The following IQCM variants were observed in gnomAD, a reference collection of about 807,000 sequenced individuals.
IQCM encodes the protein IQ domain-containing protein M.
In IQCM, 45 loss-of-function variants were observed where a neutral mutation model predicts 57.6. The ratio of observed to expected loss-of-function variants is 0.78; its 90% CI spans 0.62 to 1.00. The LOEUF (loss-of-function observed/expected upper bound fraction) is 1.00, where lower values mean the gene tolerates loss of function less well. Among genes scored for constraint, IQCM ranks in the 50% least tolerant of loss-of-function variants. The probability of loss-of-function intolerance (pLI) is 0.00; values close to 1 mark genes in which losing one functional copy is unlikely to be tolerated. For missense variants in IQCM, 468 were observed against 511.6 expected (o/e 0.91, Z 0.82); for synonymous variants, 148 against 158.9 (o/e 0.93, Z 0.51).
At chr4:149,577,864 G>GT (rs1215602332) in intron 9 of IQCM, among the ~76,000 whole-genome samples, 2 of 151,798 alleles carry the variant, frequency 1.3e-5, no homozygotes, top group African/African-American at 4.8e-5. Context: ...TAGTAAGCAT[G>GT]TTTTTTCATT....
At chr4:149,592,557 C>G (rs1490276433) in intron 8 of IQCM, among the ~76,000 whole-genome samples, 1 of 151,754 alleles carries the variant, frequency 6.6e-6, no homozygotes, top group Non-Finnish European at 1.5e-5. Flanking sequence ...AATGGTATTG[C>G]CTAGGTTTTC....
At chr4:149,637,638 G>C (rs188987118) in intron 7 of IQCM, among the ~76,000 whole-genome samples, 67 of 152,222 alleles carry the variant, frequency 4.4e-4, no homozygotes, top group African/African-American at 1.4e-3. Flanking sequence ...TTAATATAAA[G>C]CTACAGTATT....
rs568488421 is a variant in IQCM, at chr4:149,801,723, G to C, written c.-49+13588C>G. On this transcript the variant is annotated intron_variant, in intron 2 of 13. Coordinates refer to ENST00000636793, the MANE Select transcript of IQCM (RefSeq NM_001363507.2). ...GAACCCACGGACATAGAGAGTAGAA[G>C]GATGATTACCAGAGGCTAAGAAGAG... Among the ~76,000 whole-genome samples, 3 of 151,904 alleles carry C rather than the reference G, an allele frequency of 2.0e-5. No homozygotes were observed. The South Asian group carries it at 6.2e-4, about 32-fold the overall frequency.
chr4:149,685,539 T>C (rs1174233101), intron 6 of IQCM, among the ~76,000 whole-genome samples: 1 of 151,460 alleles, frequency 6.6e-6, no homozygotes, highest in East Asian at 1.9e-4. Context: ...TGAGCATGGA[T>C]CTTCTAGTGT....
At chr4:149,710,331 C>T (rs905504592) in intron 5 of IQCM, among the ~76,000 whole-genome samples, 2 of 152,102 alleles carry the variant, frequency 1.3e-5, no homozygotes, top group Non-Finnish European at 2.9e-5. Flanking sequence ...GCATTGGGTC[C>T]TAGAATTCTA....
chr4:149,727,458 T>C lies in IQCM; in HGVS notation c.385+5786A>G, dbSNP rs556219926. 2.6e-5 allele frequency among the ~76,000 whole-genome samples: 4 copies of C among 152,314 alleles called. No individual in the cohort carries two copies. In the South Asian group the frequency reaches 8.3e-4, roughly 32 times the overall value. ...TACTGACAATTCTGCCATCAAAATA[T>C]TTTTATGACAGTATTTTTAAAGTGA... is the stretch of plus-strand genomic sequence containing the variant. On this transcript the variant is annotated intron_variant, in intron 5 of 13. Transcript: ENST00000636793.
intron 12 of IQCM, among the ~76,000 whole-genome samples, chr4:149,478,834 A>G (rs1413236660): frequency 6.6e-6 from 1 of 152,194 alleles, no homozygotes; most frequent in Non-Finnish European, 1.5e-5. Context: ...GGAAATTTGG[A>G]TATTAACATT....
In IQCM at chr4:149,368,753, C is replaced by T. The variant is rs1244827866; in HGVS notation, c.1391-16687G>A. 1.0e-4 allele frequency among the ~76,000 whole-genome samples: 10 copies of T among 98,246 alleles called. No homozygotes were observed. The South Asian group carries it at 2.9e-3, about 28-fold the overall frequency. 64.5% of individuals were successfully genotyped at this position (98,246 alleles called of 152,430 possible). On this transcript the variant is annotated intron_variant, in intron 13 of 13. Coordinates refer to ENST00000636793, the MANE Select transcript of IQCM (RefSeq NM_001363507.2). ...GTGAAAGGCACAAATTATATATATA[C>T]ATGTATATATATATATACATATATA...
At chr4:149,545,019 G>A (rs527908142) in intron 12 of IQCM, among the ~76,000 whole-genome samples, 1 of 151,944 alleles carries the variant, frequency 6.6e-6, no homozygotes, top group South Asian at 2.1e-4. Flanking sequence ...AAAAGCACAG[G>A]TGACAGAAGC....
intron 8 of IQCM, among the ~76,000 whole-genome samples, chr4:149,607,733 G>A (rs1041759908): frequency 3.3e-5 from 5 of 151,946 alleles, no homozygotes; most frequent in African/African-American, 1.2e-4. Context: ...ATTGTAAGAT[G>A]TTATTTGTAA....
intron 10 of IQCM, among the ~76,000 whole-genome samples, chr4:149,559,573 C>T (rs1749921014): frequency 6.6e-6 from 1 of 152,128 alleles, no homozygotes; most frequent in African/African-American, 2.4e-5. Context: ...TTTCTAAATG[C>T]TCTGATGATA....
chr4:149,764,814 A>T (rs1769885686), intron 2 of IQCM, among the ~76,000 whole-genome samples: 2 of 152,130 alleles, frequency 1.3e-5, no homozygotes, highest in South Asian at 4.1e-4. Flanking sequence ...CGCAAGCTAT[A>T]TATCTCTGGT....
At chr4:149,352,627 C>T (rs757405224) in intron 13 of IQCM, among the ~76,000 whole-genome samples, 21 of 152,244 alleles carry the variant, frequency 1.4e-4, no homozygotes, top group Non-Finnish European at 2.6e-4. Context: ...ATTCTGGAAC[C>T]AATTTCCTAC....
chr4:149,397,280 C>A (rs2111112230), intron 13 of IQCM, among the ~76,000 whole-genome samples: 1 of 151,878 alleles, frequency 6.6e-6, no homozygotes, highest in Admixed American at 6.6e-5. Context: ...TTGTGAGTTG[C>A]ATTTCCCTGA....
Position 149,621,152 on chromosome 4 carries a change from A to T in IQCM, c.658T>A (p.Ser220Thr). The T allele has an allele frequency of 8.1e-7, 1 of 1,228,816 alleles. No individual in the cohort carries two copies. Among genetic ancestry groups the T allele is most frequent in the Non-Finnish European group, 1.0e-6 (1 of 984,918 alleles). 76.1% of individuals were successfully genotyped at this position (1,228,816 alleles called of 1,614,324 possible). The change falls in exon 8 of 14, where the codon TCA becomes ACA. Residue 220 changes from serine to threonine, a missense_variant. Transcript: ENST00000636793. ...SRRVSFSQSS[S>T]IFRDYYSKTF... ...ACAGAATAATAATCCCGAAATATTG[A>T]TGATGATTGAGAGAAACTAACTCGA...
chr4:149,593,595 G>C (rs969208012), intron 8 of IQCM, among the ~76,000 whole-genome samples: 1 of 152,098 alleles, frequency 6.6e-6, no homozygotes, highest in Non-Finnish European at 1.5e-5. Context: ...CTGTGGGTTT[G>C]TCATACATAG....
chr4:149,473,774 A>ATGCAG (rs1462217063), intron 12 of IQCM, among the ~76,000 whole-genome samples: 38 of 152,356 alleles, frequency 2.5e-4, no homozygotes, highest in African/African-American at 8.9e-4. Flanking sequence ...GCATATATAC[A>ATGCAG]CCATGGAATA....
Position 149,635,901 on chromosome 4 carries a change from G to T in IQCM, c.566-14657C>A, listed in dbSNP as rs1757676795. On this transcript the variant is annotated intron_variant, in intron 7 of 13. Transcript: ENST00000636793. ...TCCAGTATCATTATTTCTAGTAATA[G>T]AGGAAATAGATGTGAGAGATTGAAC... 2.0e-5 allele frequency among the ~76,000 whole-genome samples: 3 copies of T among 152,092 alleles called. No homozygotes were observed. In the South Asian group the frequency reaches 6.2e-4, roughly 32 times the overall value.
chr4:149,510,242 G>T (rs1174990454), intron 12 of IQCM, among the ~76,000 whole-genome samples: 1 of 152,078 alleles, frequency 6.6e-6, no homozygotes, highest in Non-Finnish European at 1.5e-5. Context: ...GTAAGACTGA[G>T]CATGGTTACT....
Sources: allele counts gnomAD v4.1 joint callset (sites outside exome capture counted in the v4.1 genomes callset), GRCh38; gene constraint gnomAD v4.1.1; transcripts MANE v1.5; gene names NCBI Gene and HGNC (gene_info 2026-07-23, HGNC 2026-07-21).